Variants in ARMC9 observed in about 807,000 individuals in gnomAD.
The protein encoded by ARMC9 is armadillo repeat containing 9.
In ARMC9, 94 loss-of-function variants were observed where a neutral mutation model predicts 107.0. That is an observed-to-expected ratio of 0.88 (90% CI 0.74 to 1.04). The LOEUF is 1.04. Among genes scored for constraint, ARMC9 ranks in the 50% least tolerant of loss-of-function variants. The pLI is 0.00. For synonymous variants in ARMC9, 380 were observed against 396.9 expected (o/e 0.96, Z 0.51); for missense variants, 942 against 1,030.1 (o/e 0.91, Z 1.17).
At chr2:231,206,379 A>G (rs1193154910) in intron 2 of ARMC9, 90 bp downstream of exon 2, 7 of 1,043,598 alleles carry the variant, frequency 6.7e-6, no homozygotes, top group Non-Finnish European at 1.0e-5. Flanking sequence ...GTGCCTTGTA[A>G]TGTTTCTTCT....
Position 231,376,571 on chromosome 2 carries a change from C to T in ARMC9, c.*5036C>T, listed in dbSNP as rs1236188970. ...ACCGGTTGCTCTCAAACCCTGTCTC[C>T]TGATAAGATGTTATCAATGACAATG... On this transcript the variant is annotated 3_prime_UTR_variant, in exon 25 of 25. Coordinates refer to ENST00000611582, the MANE Select transcript of ARMC9 (RefSeq NM_001352754.2). Among the ~76,000 whole-genome samples the T allele has an allele frequency of 1.3e-5, 2 of 152,194 alleles. No homozygotes were observed. The highest frequency in any genetic ancestry group is 4.8e-5 in the African/African-American group (2 of 41,434).
intron 20 of ARMC9, among the ~76,000 whole-genome samples, chr2:231,343,902 G>GAA (rs570333260): frequency 3.6e-5 from 5 of 137,168 alleles, no homozygotes; most frequent in Non-Finnish European, 7.9e-5. Context: ...TCGTCTCGAG[G>GAA]AAAAAAAAAA....
At chr2:231,338,971 A>T (rs1461873618) in intron 20 of ARMC9, among the ~76,000 whole-genome samples, 1 of 152,176 alleles carries the variant, frequency 6.6e-6, no homozygotes, top group Non-Finnish European at 1.5e-5. Context: ...TTGATTGATT[A>T]AAAAACTTTG....
intron 1 of ARMC9, among the ~76,000 whole-genome samples, chr2:231,199,791 G>C (rs1048851984): frequency 6.6e-6 from 1 of 152,084 alleles, no homozygotes; most frequent in Non-Finnish European, 1.5e-5. Context: ...CACCTCCTGG[G>C]TTCAAGCGAT....
At chr2:231,249,351 G>A (rs929639796) in intron 9 of ARMC9, among the ~76,000 whole-genome samples, 2 of 152,064 alleles carry the variant, frequency 1.3e-5, no homozygotes, top group Admixed American at 6.5e-5. Context: ...CGGGAGAACT[G>A]CTACCCCTGC....
intron 16 of ARMC9, among the ~76,000 whole-genome samples, chr2:231,279,006 C>T (rs1205303412): frequency 6.6e-6 from 1 of 152,224 alleles, no homozygotes; most frequent in Non-Finnish European, 1.5e-5. Context: ...CCAGCCTGTA[C>T]ACTTCGAGTG....
chr2:231,259,562 T>C (rs902960747), intron 11 of ARMC9, among the ~76,000 whole-genome samples: 3 of 152,212 alleles, frequency 2.0e-5, no homozygotes, highest in Non-Finnish European at 4.4e-5. Flanking sequence ...TCAGACTGAG[T>C]GCAGTTGAAG....
chr2:231,273,615 A>G (rs1435960654), intron 14 of ARMC9, among the ~76,000 whole-genome samples: 7 of 152,084 alleles, frequency 4.6e-5, no homozygotes, highest in African/African-American at 1.4e-4. Flanking sequence ...GGATTTTACC[A>G]TGTTGGCCAG....
At chr2:231,303,134 C>A (rs1391100146) in intron 19 of ARMC9, among the ~76,000 whole-genome samples, 1 of 152,126 alleles carries the variant, frequency 6.6e-6, no homozygotes, top group East Asian at 1.9e-4. Context: ...TATAGAAATA[C>A]AATTGATTTT....
rs562846090 is a variant in ARMC9, at chr2:231,261,979, A to G, written c.1027-327A>G. Among the ~76,000 whole-genome samples, 779 of 149,938 alleles carry G rather than the reference A, an allele frequency of 5.2e-3. 22 individuals carry two copies. The highest frequency in any genetic ancestry group is 0.037 in the Admixed American group (563 of 15,084). ...CTGGGTCTACAGGCGCCCGCACCACACCCGGCTAATTTTTTTGTATTTTTA... is the reference window on the plus strand; with the variant it reads ...CTGGGTCTACAGGCGCCCGCACCACGCCCGGCTAATTTTTTTGTATTTTTA... On this transcript the variant is annotated intron_variant, in intron 11 of 24. Coordinates refer to ENST00000611582, the MANE Select transcript of ARMC9 (RefSeq NM_001352754.2).
intron 20 of ARMC9, among the ~76,000 whole-genome samples, chr2:231,342,869 C>T (rs754184045): frequency 6.6e-6 from 1 of 152,120 alleles, no homozygotes; most frequent in Non-Finnish European, 1.5e-5. Flanking sequence ...GGCTTTTTCC[C>T]TTTCACTCTT....
At chr2:231,352,689 AG>A (rs1489931746) in intron 21 of ARMC9, among the ~76,000 whole-genome samples, 2 of 151,296 alleles carry the variant, frequency 1.3e-5, no homozygotes, top group African/African-American at 2.4e-5. Flanking sequence ...ATAGATAGAT[AG>A]ATAGATAGAT....
intron 5 of ARMC9, among the ~76,000 whole-genome samples, chr2:231,220,006 G>A (rs1037388439): frequency 6.6e-6 from 1 of 151,918 alleles, no homozygotes; most frequent in Admixed American, 6.6e-5. Context: ...CATTTCTGAG[G>A]GTTCAGCTGA....
chr2:231,338,593 G>A (rs2044289007), intron 20 of ARMC9, among the ~76,000 whole-genome samples: 1 of 138,308 alleles, frequency 7.2e-6, no homozygotes, highest in Admixed American at 7.6e-5. Flanking sequence ...AGGCTGGAAT[G>A]CGGTAGAGCA....
At chr2:231,279,867 C>T (rs1481799682) in intron 16 of ARMC9, among the ~76,000 whole-genome samples, 1 of 152,122 alleles carries the variant, frequency 6.6e-6, no homozygotes, top group African/African-American at 2.4e-5. Flanking sequence ...TCACATTTTA[C>T]ACCAGCCCTA....
intron 21 of ARMC9, among the ~76,000 whole-genome samples, chr2:231,354,468 G>A (rs564120382): frequency 2.8e-5 from 4 of 142,228 alleles, no homozygotes; most frequent in South Asian, 4.5e-4. Flanking sequence ...TACAACCTCC[G>A]CCTCCCTGGC....
At chr2:231,370,809 G>A (rs1000458779) in intron 24 of ARMC9, 1 of 269,334 alleles carries the variant, frequency 3.7e-6, no homozygotes, top group South Asian at 3.3e-5. Context: ...CCTTTCTAGA[G>A]GGCTTTACCA....
intron 19 of ARMC9, among the ~76,000 whole-genome samples, chr2:231,310,378 A>C (rs535083870): frequency 6.7e-6 from 1 of 149,182 alleles, no homozygotes; most frequent in East Asian, 2.0e-4. Context: ...AGATCGCGCC[A>C]TTGCACTCCA....
chr2:231,357,558 CTTTTA>C (rs1004857147), intron 22 of ARMC9, among the ~76,000 whole-genome samples: 18 of 149,778 alleles, frequency 1.2e-4, no homozygotes, highest in African/African-American at 3.3e-4. Context: ...CCTAGTCCTC[CTTTTA>C]TTTTATTTTA....
Sources: gnomAD v4.1 joint callset for allele counts (sites outside exome capture counted in the v4.1 genomes callset) on GRCh38, gnomAD v4.1.1 for gene constraint, MANE v1.5 for transcripts, NCBI Gene and HGNC (gene_info 2026-07-23, HGNC 2026-07-21) for gene names.